AIG1: variants seen among roughly 807,000 people sequenced by gnomAD.
AIG1 encodes androgen-induced gene 1 protein.
A neutral mutation model predicts 31.4 loss-of-function variants in AIG1; 23 were observed. That is an observed-to-expected ratio of 0.73 (90% confidence interval 0.53 to 1.04). The LOEUF (loss-of-function observed/expected upper bound fraction) is 1.04, where lower values mean the gene tolerates loss of function less well. AIG1 is among the 50% of genes least tolerant of loss of function. The probability of loss-of-function intolerance (pLI) is 0.00; values close to 1 mark genes in which losing one functional copy is unlikely to be tolerated. For synonymous variants in AIG1, 100 were observed against 110.5 expected (o/e 0.90, Z 0.60); for missense variants, 274 against 295.0 (o/e 0.93, Z 0.52).
intron 1 of AIG1, among the ~76,000 whole-genome samples, chr6:143,113,853 C>A (rs990419458): frequency 1.3e-5 from 2 of 151,894 alleles, no homozygotes; most frequent in African/African-American, 2.4e-5. Flanking sequence ...CGGCTCACTG[C>A]AAGCTCTGCC....
chr6:143,268,543 A>G lies in AIG1; in HGVS notation c.400-15567A>G, dbSNP rs1460700736. On this transcript the variant is annotated intron_variant, in intron 3 of 5. Coordinates refer to ENST00000357847, the MANE Select transcript of AIG1 (RefSeq NM_016108.4). This position sits in a 1 kb window ranked among gnomAD's most constrained non-coding sequence, Gnocchi z 5.0. ...ATATATAAAATTACAGGGGCTGACT[A>G]TAGCACCAAAATTAGGTGGTGGTAA... 6.6e-6 allele frequency among the ~76,000 whole-genome samples: 1 copy of G among 152,242 alleles called. No homozygotes were observed. The highest frequency in any genetic ancestry group is 2.4e-5 in the African/African-American group (1 of 41,474).
intron 3 of AIG1, among the ~76,000 whole-genome samples, chr6:143,191,544 A>G (rs977651542): frequency 1.3e-5 from 2 of 152,180 alleles, no homozygotes; most frequent in African/African-American, 4.8e-5. Flanking sequence ...CATGAATCCT[A>G]TAAGCAGAAT....
chr6:143,142,158 A>G (rs1318717024), intron 2 of AIG1, among the ~76,000 whole-genome samples: 3 of 151,994 alleles, frequency 2.0e-5, no homozygotes, highest in Non-Finnish European at 4.4e-5. Flanking sequence ...CTGCAGCCTA[A>G]ACCCCCTGGG....
chr6:143,222,724 G>A (rs1792627240), intron 3 of AIG1, among the ~76,000 whole-genome samples: 1 of 151,992 alleles, frequency 6.6e-6, no homozygotes, highest in African/African-American at 2.4e-5. Context: ...CAAGTGTAAA[G>A]AGAGTTGGTG....
chr6:143,066,148 A>G (rs971175331), intron 1 of AIG1, among the ~76,000 whole-genome samples: 2 of 152,210 alleles, frequency 1.3e-5, no homozygotes, highest in Non-Finnish European at 2.9e-5. Context: ...GCATTTTAAT[A>G]AGATCATCAG....
At chr6:143,109,257 T>A (rs1269410798) in intron 1 of AIG1, among the ~76,000 whole-genome samples, 6 of 152,242 alleles carry the variant, frequency 3.9e-5, no homozygotes, top group Admixed American at 2.0e-4. Flanking sequence ...GTTTTAAAAT[T>A]TATACTCCAT....
intron 4 of AIG1, among the ~76,000 whole-genome samples, chr6:143,290,304 A>G (rs559575663): frequency 6.6e-4 from 100 of 152,350 alleles, no homozygotes; most frequent in African/African-American, 2.3e-3. Context: ...TGGGAGATCA[A>G]GTGTGCAGTT....
chr6:143,209,725 A>C (rs1175406153), intron 3 of AIG1, among the ~76,000 whole-genome samples: 1 of 152,148 alleles, frequency 6.6e-6, no homozygotes, highest in African/African-American at 2.4e-5. Context: ...GATAATAAAT[A>C]TGTATTGTTG....
chr6:143,228,246 C>T (rs557640220), intron 3 of AIG1, among the ~76,000 whole-genome samples: 141 of 152,304 alleles, frequency 9.3e-4, no homozygotes, highest in Non-Finnish European at 1.7e-3. Flanking sequence ...CCTACAATGA[C>T]CACTTTAGGC....
intron 1 of AIG1, among the ~76,000 whole-genome samples, chr6:143,132,823 T>C (rs1288897443): frequency 6.6e-6 from 1 of 152,100 alleles, no homozygotes; most frequent in South Asian, 2.1e-4. Flanking sequence ...TTTTTAATCT[T>C]TTCTTTTTTG....
At chr6:143,113,978 G>C (rs1781524253) in intron 1 of AIG1, among the ~76,000 whole-genome samples, 1 of 152,070 alleles carries the variant, frequency 6.6e-6, no homozygotes, top group African/African-American at 2.4e-5. Flanking sequence ...GTTTCACCGT[G>C]TTAGGCAGGA....
intron 1 of AIG1, among the ~76,000 whole-genome samples, chr6:143,065,869 C>T (rs754669180): frequency 2.0e-5 from 3 of 152,156 alleles, no homozygotes; most frequent in Non-Finnish European, 2.9e-5. Flanking sequence ...GGATGTAAGA[C>T]ATCTTGATTT....
chr6:143,139,563 C>G (rs1031503507), intron 2 of AIG1, among the ~76,000 whole-genome samples: 9 of 151,992 alleles, frequency 5.9e-5, no homozygotes, highest in African/African-American at 1.9e-4. Context: ...CTATTTCCAT[C>G]TTTCATAATC....
intron 3 of AIG1, among the ~76,000 whole-genome samples, chr6:143,248,033 C>T (rs1794736012): frequency 6.6e-6 from 1 of 152,192 alleles, no homozygotes; most frequent in African/African-American, 2.4e-5. Flanking sequence ...CAAACTGAGC[C>T]ATGCTGAGCA....
At chr6:143,240,930 G>C (rs987440) in intron 3 of AIG1, among the ~76,000 whole-genome samples, 81,866 of 151,874 alleles carry the variant, frequency 0.54, 23,094 homozygotes, top group East Asian at 0.86. Context: ...TGAAGAGTTA[G>C]TTACTCCTCA....
chr6:143,286,841 G>A (rs1031534435), intron 4 of AIG1, among the ~76,000 whole-genome samples: 7 of 151,912 alleles, frequency 4.6e-5, no homozygotes, highest in Admixed American at 2.0e-4. Flanking sequence ...GTGGCCCTCC[G>A]CATCTGAATC....
intron 1 of AIG1, among the ~76,000 whole-genome samples, chr6:143,113,518 G>A (rs1240460673): frequency 2.0e-5 from 3 of 150,358 alleles, no homozygotes; most frequent in Non-Finnish European, 3.0e-5. Flanking sequence ...CAGGTGAATC[G>A]CTTGAACTCA....
chr6:143,294,230 A>T (rs1255027737), intron 4 of AIG1, among the ~76,000 whole-genome samples: 2 of 152,198 alleles, frequency 1.3e-5, no homozygotes, highest in Admixed American at 6.5e-5. Context: ...GCATCTGAAC[A>T]CACTGTAGTC....
At chr6:143,166,681 C>T (rs1219979668) in intron 3 of AIG1, among the ~76,000 whole-genome samples, 4 of 152,174 alleles carry the variant, frequency 2.6e-5, no homozygotes, top group Non-Finnish European at 5.9e-5. Context: ...TGAATGAATT[C>T]GCTATAGCCA....
Sources: allele counts gnomAD v4.1 joint callset (sites outside exome capture counted in the v4.1 genomes callset), GRCh38; gene constraint gnomAD v4.1.1; non-coding constraint Gnocchi (gnomAD v3.1); transcripts MANE v1.5; gene names NCBI Gene and HGNC (gene_info 2026-07-23, HGNC 2026-07-21).